Variants in TLN2 observed in about 807,000 individuals in gnomAD.
The protein encoded by TLN2 is talin 2.
A neutral mutation model predicts 294.7 loss-of-function variants in TLN2; 118 were observed. The observed-to-expected ratio is 0.40, with a 90% confidence interval of 0.34 to 0.47. The LOEUF (loss-of-function observed/expected upper bound fraction) is 0.47, where lower values mean the gene tolerates loss of function less well. Among genes scored for constraint, TLN2 ranks in the 20% least tolerant of loss-of-function variants. TLN2 has a pLI of 0.84. For missense variants in TLN2, 3,083 were observed against 3,282.2 expected (o/e 0.94, Z 1.48); for synonymous variants, 1,431 against 1,304.5 (o/e 1.10, Z -2.09).
intron 1 of TLN2, among the ~76,000 whole-genome samples, chr15:62,488,798 C>A (rs1329980098): frequency 6.6e-6 from 1 of 152,110 alleles, no homozygotes; most frequent in Non-Finnish European, 1.5e-5. Context: ...TGCTGATTTA[C>A]CCCCAAAAGA....
chr15:62,532,152 C>A (rs2041078540), intron 1 of TLN2, among the ~76,000 whole-genome samples: 1 of 151,790 alleles, frequency 6.6e-6, no homozygotes, highest in African/African-American at 2.4e-5. Flanking sequence ...CAGGCTCAGG[C>A]AATCCTCCCG....
chr15:62,699,602 C>T (rs2058585210), intron 16 of TLN2, among the ~76,000 whole-genome samples: 1 of 152,200 alleles, frequency 6.6e-6, no homozygotes, highest in South Asian at 2.1e-4. Context: ...ATCGTGGTCC[C>T]AGGACCAGCA....
intron 1 of TLN2, among the ~76,000 whole-genome samples, chr15:62,500,136 C>T (rs945225532): frequency 2.6e-5 from 4 of 151,780 alleles, no homozygotes; most frequent in East Asian, 2.0e-4. Flanking sequence ...CAGGAGTTCA[C>T]GACCAGCCTC....
intron 45 of TLN2, among the ~76,000 whole-genome samples, chr15:62,787,685 C>T (rs1225610397): frequency 2.1e-5 from 3 of 143,718 alleles, no homozygotes; most frequent in African/African-American, 7.6e-5. Flanking sequence ...CATTTTTAAA[C>T]TCCTTATCTT....
At chr15:62,675,168 C>T (rs2056024112) in intron 10 of TLN2, 49 bp from the exon 11 acceptor site, 2 of 1,572,494 alleles carry the variant, frequency 1.3e-6, no homozygotes, top group Non-Finnish European at 8.7e-7. Flanking sequence ...CCAAGTCCAC[C>T]TGCTGGCAGA....
At chr15:62,482,840 C>T (rs968066283) in intron 1 of TLN2, among the ~76,000 whole-genome samples, 2 of 152,154 alleles carry the variant, frequency 1.3e-5, no homozygotes, top group South Asian at 2.1e-4. Context: ...GTTCAGCCTT[C>T]GTGGCCTCAT....
chr15:62,726,577 T>G (rs766279059), intron 27 of TLN2, among the ~76,000 whole-genome samples: 1 of 152,164 alleles, frequency 6.6e-6, no homozygotes, highest in Non-Finnish European at 1.5e-5. Context: ...TTCCTTTCAG[T>G]TGGAACTCCT....
At chr15:62,701,241 A>C in intron 17 of TLN2, 27 bp downstream of exon 17, 2 of 1,548,024 alleles carry the variant, frequency 1.3e-6, no homozygotes, top group Non-Finnish European at 1.8e-6. Context: ...TTTGTGCTGC[A>C]TTGGGGTTTT....
intron 1 of TLN2, among the ~76,000 whole-genome samples, chr15:62,398,259 C>G (rs984634791): frequency 2.6e-5 from 4 of 152,196 alleles, no homozygotes; most frequent in Non-Finnish European, 5.9e-5. Flanking sequence ...TGGCACTTCT[C>G]TCTCCTGCCG....
In TLN2 at chr15:62,652,062, T is replaced by C; in HGVS notation, c.292T>C (p.Ser98Pro). 6.2e-7 allele frequency: 1 copy of C among 1,611,974 alleles called. No individual in the cohort carries two copies. Among genetic ancestry groups the C allele is most frequent in the Non-Finnish European group, 8.5e-7 (1 of 1,178,716 alleles). ...TCAGAAAATCCGGATGCTGGATGGA[T>C]CTGTGAAGACAGTGATGGTGGATGA... ...RPQKIRMLDGSVKTVMVDDSK... is the reference protein window; with the variant it reads ...RPQKIRMLDGPVKTVMVDDSK... Residue 98 changes from serine (S) to proline (P), a missense_variant, in exon 6 of 59, where the codon TCT (serine) becomes CCT (proline). Transcript: ENST00000636159.
intron 1 of TLN2, among the ~76,000 whole-genome samples, chr15:62,466,784 C>T (rs2037157959): frequency 1.3e-5 from 2 of 152,288 alleles, no homozygotes; most frequent in Non-Finnish European, 2.9e-5. Context: ...ACAGTTTTCC[C>T]CTAAGGAGAT....
chr15:62,591,589 T>A (rs1272091889), intron 2 of TLN2, among the ~76,000 whole-genome samples: 2 of 152,182 alleles, frequency 1.3e-5, no homozygotes, highest in Non-Finnish European at 2.9e-5. Context: ...CAGTTTTAAG[T>A]AACCTGATGG....
intron 1 of TLN2, among the ~76,000 whole-genome samples, chr15:62,470,338 T>C (rs2037398323): frequency 6.6e-6 from 1 of 152,326 alleles, no homozygotes; most frequent in African/African-American, 2.4e-5. Context: ...GCTGAAACTC[T>C]TCAGTGAGGA....
intron 1 of TLN2, among the ~76,000 whole-genome samples, chr15:62,397,364 C>T (rs375896914): frequency 5.9e-5 from 9 of 152,162 alleles, no homozygotes; most frequent in African/African-American, 2.2e-4. Flanking sequence ...CTCAAGTGAT[C>T]CTCCTGCCTC....
chr15:62,520,061 A>C (rs767848026), intron 1 of TLN2, among the ~76,000 whole-genome samples: 9 of 152,206 alleles, frequency 5.9e-5, no homozygotes, highest in African/African-American at 1.4e-4. Context: ...AAACCATCAG[A>C]TCTTGTGAGA....
At chr15:62,781,380 C>A in intron 44 of TLN2, 139 bp downstream of exon 44, 1 of 625,896 alleles carries the variant, frequency 1.6e-6, no homozygotes, top group Non-Finnish European at 2.8e-6. Context: ...CAGCTTCTGT[C>A]CTTTATCTGT....
intron 3 of TLN2, among the ~76,000 whole-genome samples, chr15:62,631,562 CTTTCCTTTCCTTTCT>C: frequency 7.6e-6 from 1 of 131,028 alleles, no homozygotes; most frequent in East Asian, 2.3e-4. Context: ...CTTTCCTTTC[CTTTCCTTTCCTTTCT>C]TTCTCTCTCT....
chr15:62,538,222 TAC>T (rs146369886), intron 1 of TLN2, among the ~76,000 whole-genome samples: 14 of 149,618 alleles, frequency 9.4e-5, no homozygotes, highest in East Asian at 2.0e-4. Context: ...GACTTTGTCA[TAC>T]ACACACACAC....
rs937587090 is a variant in TLN2 at position 62,697,965 on chromosome 15, T to G, written c.1473+97T>G. ...GGTGATGGGCTGAGTGTTGGAACGC[T>G]CTCTATTTCCCGGCTGAACCATGCC... On this transcript the variant is annotated intron_variant, in intron 15 of 58. Transcript: ENST00000636159. The G allele has an allele frequency of 1.5e-5, 21 of 1,429,796 alleles. 2 individuals carry two copies. In the South Asian group the frequency reaches 2.7e-4, roughly 18 times the overall value. The allele number at this position is 1,429,796 out of a possible 1,614,324, so 88.6% of individuals were successfully genotyped here. A position where few individuals can be genotyped will look rare whatever the true frequency, so the allele number is the denominator to read the frequency against.
Sources: allele counts gnomAD v4.1 joint callset (sites outside exome capture counted in the v4.1 genomes callset), GRCh38; gene constraint gnomAD v4.1.1; transcripts MANE v1.5; gene names NCBI Gene and HGNC (gene_info 2026-07-23, HGNC 2026-07-21).